Variants in SFMBT1 observed in about 807,000 individuals in gnomAD.
The protein encoded by SFMBT1 is scm-like with four MBT domains protein 1.
In SFMBT1, 32 loss-of-function variants were observed where a neutral mutation model predicts 108.7. That is an observed-to-expected ratio of 0.29 (90% CI 0.22 to 0.40). The LOEUF (loss-of-function observed/expected upper bound fraction) is 0.40. Ranked by LOEUF, SFMBT1 falls within the 10% of genes least tolerant of loss-of-function variation. SFMBT1 has a pLI of 1.00. For missense variants in SFMBT1, 816 were observed against 1,059.6 expected (o/e 0.77, Z 3.19); for synonymous variants, 348 against 369.5 (o/e 0.94, Z 0.67).
intron 16 of SFMBT1, among the ~76,000 whole-genome samples, chr3:52,911,437 G>A (rs1702211714): frequency 6.6e-6 from 1 of 152,098 alleles, no homozygotes; most frequent in Non-Finnish European, 1.5e-5. Context: ...CCTAAGTTAA[G>A]GTTTTCAAAT....
intron 1 of SFMBT1, among the ~76,000 whole-genome samples, chr3:53,034,023 T>C (rs1432191097): frequency 1.5e-5 from 2 of 130,358 alleles, no homozygotes; most frequent in African/African-American, 6.0e-5. Flanking sequence ...TGAGCCGAGA[T>C]GGCGCCATTG....
At chr3:53,002,392 C>G (rs567082059) in intron 1 of SFMBT1, among the ~76,000 whole-genome samples, 2 of 127,628 alleles carry the variant, frequency 1.6e-5, no homozygotes, top group African/African-American at 5.6e-5. Flanking sequence ...GAGCGAGACT[C>G]CGTCTCAATA....
intron 1 of SFMBT1, among the ~76,000 whole-genome samples, chr3:52,974,906 C>A (rs1704467422): frequency 6.7e-6 from 1 of 149,284 alleles, no homozygotes; most frequent in South Asian, 2.1e-4. Flanking sequence ...ACTCAGGAGG[C>A]TGAAGTGGGA....
chr3:53,031,439 A>G (rs1699682889), intron 1 of SFMBT1, among the ~76,000 whole-genome samples: 1 of 152,202 alleles, frequency 6.6e-6, no homozygotes, highest in South Asian at 2.1e-4. Context: ...CTCGGAAAAA[A>G]AGTTATAACA....
At chr3:52,909,408 TC>T (rs1291288857) in intron 17 of SFMBT1, among the ~76,000 whole-genome samples, 1 of 152,204 alleles carries the variant, frequency 6.6e-6, no homozygotes, top group Admixed American at 6.5e-5. Context: ...GAGTTTACAA[TC>T]CAATAAATAT....
intron 1 of SFMBT1, among the ~76,000 whole-genome samples, chr3:52,984,734 G>GTC (rs1258929465): frequency 2.8e-5 from 3 of 108,286 alleles, no homozygotes; most frequent in African/African-American, 1.1e-4. Context: ...TACTGTGTGT[G>GTC]TGTGTGTGTG....
chr3:52,907,604 T>C lies in SFMBT1; in HGVS notation c.2036A>G (p.Lys679Arg). 1 of 1,614,198 alleles carries C rather than the reference T, an allele frequency of 6.2e-7. No homozygotes were observed. Among genetic ancestry groups the C allele is most frequent in the Non-Finnish European group, 8.5e-7 (1 of 1,180,036 alleles). ...KRRKNVFVHK[K>R]KRSSASVDNT... The stretch of plus-strand genomic sequence containing the variant: ...ATCAACAGATGCAGAGGAGCGTTTC[T>C]TCTTATGAACAAAAACATTTTTCCG... Residue 679 changes from lysine to arginine, a missense_variant, in exon 18 of 21, where the codon AAG becomes AGG. Coordinates refer to ENST00000394752, the MANE Select transcript of SFMBT1 (RefSeq NM_016329.4).
chr3:52,936,975 G>C (rs775956632), intron 4 of SFMBT1, among the ~76,000 whole-genome samples: 5 of 147,592 alleles, frequency 3.4e-5, no homozygotes, highest in South Asian at 4.3e-4. Flanking sequence ...CTGAGTAGCT[G>C]GGACTACAGG....
intron 1 of SFMBT1, among the ~76,000 whole-genome samples, chr3:52,976,358 TAAAG>T (rs1304838569): frequency 6.6e-6 from 1 of 152,194 alleles, no homozygotes; most frequent in African/African-American, 2.4e-5. Context: ...CAGTTTGTGA[TAAAG>T]AGAGCATTCC....
rs1269165588 is a variant in SFMBT1 at position 53,009,023 on chromosome 3, C to T, written c.-131+36793G>A. ...GGCATGGTGGCTCATGCCTGTAATC[C>T]CAACTACTCGGGAGGCTTGAGGTGG... On this transcript the variant is annotated intron_variant, in intron 1 of 20. Coordinates refer to ENST00000394752, the MANE Select transcript of SFMBT1 (RefSeq NM_016329.4). 8.5e-4 allele frequency among the ~76,000 whole-genome samples: 129 copies of T among 151,740 alleles called. 1 individual carries two copies. Among genetic ancestry groups the T allele is most frequent in the Non-Finnish European group, 1.2e-4 (8 of 67,938 alleles).
chr3:53,030,878 A>C (rs1699662573), intron 1 of SFMBT1, among the ~76,000 whole-genome samples: 1 of 152,162 alleles, frequency 6.6e-6, no homozygotes, highest in African/African-American at 2.4e-5. Context: ...TTTTGTTTCT[A>C]AACTAACAAC....
chr3:52,906,311 C>G, intron 19 of SFMBT1, 70 bp from the exon 20 acceptor site: 1 of 1,607,312 alleles, frequency 6.2e-7, no homozygotes, highest in Non-Finnish European at 8.5e-7. Context: ...GTCTCTCTAC[C>G]TAAATTCATA....
intron 1 of SFMBT1, among the ~76,000 whole-genome samples, chr3:52,979,515 G>A (rs961866458): frequency 6.6e-6 from 1 of 152,062 alleles, no homozygotes; most frequent in African/African-American, 2.4e-5. Flanking sequence ...GGTTTTCATG[G>A]GACAGACCTA....
At chr3:53,043,605 T>C (rs74380125) in intron 1 of SFMBT1, among the ~76,000 whole-genome samples, 2,091 of 152,352 alleles carry the variant, frequency 0.014, 16 homozygotes, top group Middle Eastern at 0.027. Flanking sequence ...TCTACAAATA[T>C]ATAGTACCTA....
chr3:52,989,757 G>A (rs1045712247), intron 1 of SFMBT1, among the ~76,000 whole-genome samples: 1 of 151,190 alleles, frequency 6.6e-6, no homozygotes, highest in African/African-American at 2.4e-5. Flanking sequence ...TCACGCCACT[G>A]CACTCCAGCC....
At chr3:52,952,282 T>C (rs915554755) in intron 3 of SFMBT1, among the ~76,000 whole-genome samples, 3 of 152,202 alleles carry the variant, frequency 2.0e-5, no homozygotes, top group Non-Finnish European at 4.4e-5. Flanking sequence ...GGCAGGACTC[T>C]TTAGCATATA....
At chr3:53,002,812 G>A (rs1698603841) in intron 1 of SFMBT1, among the ~76,000 whole-genome samples, 1 of 150,338 alleles carries the variant, frequency 6.7e-6, no homozygotes, top group Non-Finnish European at 1.5e-5. Flanking sequence ...AAAGCAATGA[G>A]AAAATATAAT....
chr3:52,994,774 A>T (rs1330031959), intron 1 of SFMBT1, among the ~76,000 whole-genome samples: 1 of 150,352 alleles, frequency 6.7e-6, no homozygotes. Context: ...TGCTGGGATT[A>T]CAGGCATGAG....
chr3:53,006,828 AT>A (rs1170859360), intron 1 of SFMBT1, among the ~76,000 whole-genome samples: 1 of 152,136 alleles, frequency 6.6e-6, no homozygotes, highest in Non-Finnish European at 1.5e-5. Flanking sequence ...ACATAATCTC[AT>A]TTTACCTTCA....
Sources: gnomAD v4.1 joint callset for allele counts (sites outside exome capture counted in the v4.1 genomes callset) on GRCh38, gnomAD v4.1.1 for gene constraint, MANE v1.5 for transcripts, NCBI Gene and HGNC (gene_info 2026-07-23, HGNC 2026-07-21) for gene names.